Variants in RABGAP1 observed in about 807,000 individuals in gnomAD.
The protein encoded by RABGAP1 is RAB GTPase activating protein 1.
A neutral mutation model predicts 137.6 loss-of-function variants in RABGAP1; 23 were observed. The observed-to-expected ratio is 0.17, with a 90% CI of 0.12 to 0.24. The LOEUF is 0.24. RABGAP1 is among the 10% of genes least tolerant of loss of function. RABGAP1 has a pLI of 1.00. For synonymous variants in RABGAP1, 451 were observed against 450.7 expected, an observed-to-expected ratio of 1.00 and a Z score of -0.01; for missense variants, 906 against 1,275.8, an observed-to-expected ratio of 0.71 and a Z score of 4.42.
chr9:123,076,968 T>A (rs907497108), intron 19 of RABGAP1: 4 of 222,974 alleles, frequency 1.8e-5, no homozygotes, highest in African/African-American at 2.3e-5. Context: ...CAAAATACTT[T>A]CCTATATATT....
intron 14 of RABGAP1, among the ~76,000 whole-genome samples, chr9:123,067,605 G>A (rs1325992329): frequency 6.6e-6 from 1 of 152,132 alleles, no homozygotes; most frequent in Non-Finnish European, 1.5e-5. Flanking sequence ...CTGTGCTCTG[G>A]TTGATTCACT....
At position 122,957,899 on chromosome 9, in the gene RABGAP1, T is replaced by A. The variant is rs377367368; in HGVS notation, c.150+690T>A. ...AGCTTTAATTCTTTTTTTTTTTTTT[T>A]AAGAATGAATCATCCATTTTATTTT... On this transcript the variant is annotated intron_variant, in intron 2 of 25. Coordinates refer to ENST00000373647, the MANE Select transcript of RABGAP1 (RefSeq NM_012197.4). Among the ~76,000 whole-genome samples, 30 of 149,520 alleles carry A rather than the reference T, an allele frequency of 2.0e-4. No homozygotes were observed. In the Admixed American group the frequency reaches 2.0e-3, roughly 10 times the overall value.
At chr9:123,023,777 A>G (rs1388090472) in intron 13 of RABGAP1, among the ~76,000 whole-genome samples, 1 of 152,190 alleles carries the variant, frequency 6.6e-6, no homozygotes, top group Non-Finnish European at 1.5e-5. Context: ...TTGTGTATAT[A>G]TATATACACA....
intron 13 of RABGAP1, among the ~76,000 whole-genome samples, chr9:123,027,240 C>G (rs563738196): frequency 2.0e-5 from 3 of 151,992 alleles, no homozygotes; most frequent in Non-Finnish European, 2.9e-5. Flanking sequence ...CACAGCCTCC[C>G]GAGTAGCTGG....
rs745505489 is a variant in RABGAP1 at position 122,996,112 on chromosome 9, A to G, written c.995A>G (p.Tyr332Cys). The change falls in exon 7 of 26, where the codon TAT (tyrosine) becomes TGT (cysteine). Residue 332 changes from tyrosine (Y) to cysteine (C), a missense_variant. By Grantham distance (194) the Tyr-to-Cys change is radical. Coordinates refer to ENST00000373647, the MANE Select transcript of RABGAP1 (RefSeq NM_012197.4). ...GGAATTGATAAGAAGATTGTCATCT[A>G]TGTGCAGCAAACAACTAATAAAGAA... Reference protein sequence around the residue: ...RQGIDKKIVIYVQQTTNKELA... With the variant: ...RQGIDKKIVICVQQTTNKELA... 27 of 1,613,332 alleles carry G rather than the reference A, an allele frequency of 1.7e-5. No homozygotes were observed. Among genetic ancestry groups the G allele is most frequent in the East Asian group, 4.5e-5 (2 of 44,834 alleles).
chr9:123,024,860 C>G (rs2031864437), intron 13 of RABGAP1, among the ~76,000 whole-genome samples: 1 of 152,128 alleles, frequency 6.6e-6, no homozygotes, highest in Admixed American at 6.5e-5. Flanking sequence ...TAAACACTCT[C>G]CATATATTAT....
At chr9:122,945,163 T>TTTTTTTTTTTTTTTTTTTTTGA in intron 1 of RABGAP1, among the ~76,000 whole-genome samples, 1 of 144,214 alleles carries the variant, frequency 6.9e-6, no homozygotes, top group South Asian at 2.2e-4. Context: ...TTTTTTTTTT[T>TTTTTTTTTTTTTTTTTTTTTGA]AGCATAAACT....
At chr9:123,093,364 C>G (rs759550367) in intron 21 of RABGAP1, among the ~76,000 whole-genome samples, 3 of 152,154 alleles carry the variant, frequency 2.0e-5, no homozygotes, top group Non-Finnish European at 4.4e-5. Context: ...AGACCTGACA[C>G]TGGTGTTAAA....
At chr9:123,100,819 C>T (rs1441051320) in intron 24 of RABGAP1, among the ~76,000 whole-genome samples, 1 of 152,214 alleles carries the variant, frequency 6.6e-6, no homozygotes, top group African/African-American at 2.4e-5. Flanking sequence ...GAAAAAAGCC[C>T]TTATGATCCA....
chr9:123,027,911 T>G (rs1373477915), intron 13 of RABGAP1, among the ~76,000 whole-genome samples: 1 of 152,246 alleles, frequency 6.6e-6, no homozygotes, highest in Admixed American at 6.5e-5. Context: ...ATACAGCAAT[T>G]GCTACAGTAG....
chr9:123,017,508 G>T (rs2131910019), intron 12 of RABGAP1, among the ~76,000 whole-genome samples: 1 of 151,948 alleles, frequency 6.6e-6, no homozygotes, highest in East Asian at 1.9e-4. Context: ...ATTATTATTT[G>T]TGTTCTATGG....
At chr9:123,023,137 C>T (rs1379428625) in intron 13 of RABGAP1, among the ~76,000 whole-genome samples, 2 of 152,076 alleles carry the variant, frequency 1.3e-5, no homozygotes, top group Admixed American at 6.6e-5. Context: ...CCTGAGTAAT[C>T]ATTATTCTGG....
At chr9:123,012,023 C>T (rs1220780755) in intron 11 of RABGAP1, among the ~76,000 whole-genome samples, 1 of 152,220 alleles carries the variant, frequency 6.6e-6, no homozygotes, top group South Asian at 2.1e-4. Flanking sequence ...CAAGGTTACA[C>T]AGCTAGAAAT....
chr9:123,087,948 A>G (rs985655043), intron 19 of RABGAP1, among the ~76,000 whole-genome samples: 4 of 152,116 alleles, frequency 2.6e-5, no homozygotes, highest in African/African-American at 9.7e-5. Context: ...AGTCCTAGTT[A>G]CCTGGACCTG....
intron 13 of RABGAP1, among the ~76,000 whole-genome samples, chr9:123,064,922 GAAAA>G (rs1202584894): frequency 6.6e-6 from 1 of 152,120 alleles, no homozygotes; most frequent in Non-Finnish European, 1.5e-5. Context: ...TTTTCCATTT[GAAAA>G]CTGGCATATG....
chr9:123,005,993 A>T (rs1187396913), intron 10 of RABGAP1, among the ~76,000 whole-genome samples: 1 of 152,010 alleles, frequency 6.6e-6, no homozygotes, highest in Non-Finnish European at 1.5e-5. Context: ...TATAAGGGTG[A>T]CTTTTCTGTG....
chr9:122,958,009 A>C (rs1024317171), intron 2 of RABGAP1, among the ~76,000 whole-genome samples: 1 of 152,098 alleles, frequency 6.6e-6, no homozygotes, highest in African/African-American at 2.4e-5. Context: ...AAAATCTACA[A>C]GGAAAATAAT....
intron 2 of RABGAP1, among the ~76,000 whole-genome samples, chr9:122,981,417 C>T (rs985682247): frequency 5.3e-5 from 8 of 152,138 alleles, no homozygotes; most frequent in Non-Finnish European, 7.3e-5. Context: ...GTATTACATG[C>T]TTCTGTTCAT....
intron 3 of RABGAP1, among the ~76,000 whole-genome samples, 177 bp downstream of exon 3, chr9:122,984,896 T>C (rs370086742): frequency 2.7e-4 from 41 of 152,242 alleles, no homozygotes; most frequent in African/African-American, 7.2e-4. Flanking sequence ...AGTAAAAATA[T>C]ATATACCATT....
Sources: gnomAD v4.1 joint callset for allele counts (sites outside exome capture counted in the v4.1 genomes callset) on GRCh38, gnomAD v4.1.1 for gene constraint, MANE v1.5 for transcripts, NCBI Gene and HGNC (gene_info 2026-07-23, HGNC 2026-07-21) for gene names.